ZBTB7C: variants seen among roughly 807,000 people sequenced by gnomAD.
The protein encoded by ZBTB7C is zinc finger and BTB domain-containing protein 7C.
A neutral mutation model predicts 25.7 loss-of-function variants in ZBTB7C; 8 were observed. The observed-to-expected ratio is 0.31, with a 90% CI of 0.18 to 0.56. ZBTB7C has a LOEUF of 0.56. Among genes scored for constraint, ZBTB7C ranks in the 20% least tolerant of loss-of-function variants. ZBTB7C has a pLI of 0.91. For missense variants in ZBTB7C, 824 were observed against 855.2 expected, an observed-to-expected ratio of 0.96 and a Z score of 0.46; for synonymous variants, 394 against 369.0, an observed-to-expected ratio of 1.07 and a Z score of -0.78.
At chr18:48,340,838 A>AT (rs1876140880) in intron 1 of ZBTB7C, among the ~76,000 whole-genome samples, 1 of 152,126 alleles carries the variant, frequency 6.6e-6, no homozygotes, top group African/African-American at 2.4e-5. Context: ...TGAAAAGGCA[A>AT]TTTTTTCCAA....
chr18:48,037,951 A>C (rs889190936), intron 4 of ZBTB7C, among the ~76,000 whole-genome samples: 1 of 152,108 alleles, frequency 6.6e-6, no homozygotes. Context: ...GCTGTACTTG[A>C]ATCTGGCTTT....
At chr18:48,151,581 G>C (rs1411527892) in intron 3 of ZBTB7C, among the ~76,000 whole-genome samples, 1 of 152,106 alleles carries the variant, frequency 6.6e-6, no homozygotes, top group African/African-American at 2.4e-5. Flanking sequence ...CCTGCCCAGA[G>C]CTACACACCT....
chr18:48,202,143 G>C (rs917630159), intron 2 of ZBTB7C, among the ~76,000 whole-genome samples: 7 of 152,350 alleles, frequency 4.6e-5, no homozygotes, highest in Admixed American at 1.3e-4. Flanking sequence ...CTCACGCTCA[G>C]GCACTAGGCC....
At chr18:48,287,342 A>G (rs1471629383) in intron 2 of ZBTB7C, among the ~76,000 whole-genome samples, 1 of 152,222 alleles carries the variant, frequency 6.6e-6, no homozygotes, top group Non-Finnish European at 1.5e-5. Flanking sequence ...AATTCCTGGA[A>G]GAATATAATT....
chr18:48,141,567 G>C (rs1254459782), intron 3 of ZBTB7C, among the ~76,000 whole-genome samples: 2 of 151,638 alleles, frequency 1.3e-5, no homozygotes, highest in Admixed American at 6.6e-5. Context: ...AACTGGGCGG[G>C]GGGGAAAGTA....
intron 1 of ZBTB7C, among the ~76,000 whole-genome samples, chr18:48,366,416 C>A (rs1220243537): frequency 1.3e-5 from 2 of 152,124 alleles, no homozygotes; most frequent in Non-Finnish European, 2.9e-5. Context: ...GCCCAGATAT[C>A]ATTTTTTAAT....
chr18:48,160,568 C>A (rs886656406), intron 3 of ZBTB7C, among the ~76,000 whole-genome samples: 3 of 152,090 alleles, frequency 2.0e-5, no homozygotes, highest in African/African-American at 4.8e-5. Context: ...TTAAAGATCC[C>A]GGTTAAATAA....
chr18:48,088,808 C>T (rs960751524), intron 3 of ZBTB7C, among the ~76,000 whole-genome samples: 20 of 151,466 alleles, frequency 1.3e-4, no homozygotes, highest in Non-Finnish European at 2.5e-4. Context: ...TCAGCCTGGG[C>T]GACAGAGTGC....
intron 2 of ZBTB7C, among the ~76,000 whole-genome samples, chr18:48,268,696 C>T (rs2044384028): frequency 6.6e-6 from 1 of 152,074 alleles, no homozygotes; most frequent in African/African-American, 2.4e-5. Context: ...CTTGGAGGAG[C>T]CTCACTAAAG....
chr18:48,274,462 A>G (rs940215563), intron 2 of ZBTB7C, among the ~76,000 whole-genome samples: 7 of 152,170 alleles, frequency 4.6e-5, no homozygotes, highest in African/African-American at 9.7e-5. Flanking sequence ...GGTTTCTGCC[A>G]TCTCTACCAG....
intron 3 of ZBTB7C, among the ~76,000 whole-genome samples, chr18:48,075,204 G>C (rs963808781): frequency 1.3e-5 from 2 of 152,190 alleles, no homozygotes; most frequent in African/African-American, 4.8e-5. Flanking sequence ...TCAATGTGCT[G>C]GGTAGATGGC....
intron 2 of ZBTB7C, among the ~76,000 whole-genome samples, chr18:48,249,264 A>G (rs908000178): frequency 6.6e-6 from 1 of 152,228 alleles, no homozygotes; most frequent in Non-Finnish European, 1.5e-5. Flanking sequence ...TCTATTAGGA[A>G]TTATTCCTAT....
intron 1 of ZBTB7C, among the ~76,000 whole-genome samples, chr18:48,406,209 G>A (rs1318517566): frequency 3.9e-5 from 6 of 152,110 alleles, no homozygotes; most frequent in Non-Finnish European, 5.9e-5. Flanking sequence ...TGAGAGGGAG[G>A]ACAACTGCCC....
At chr18:48,088,693 G>A (rs187721650) in intron 3 of ZBTB7C, among the ~76,000 whole-genome samples, 109 of 152,204 alleles carry the variant, frequency 7.2e-4, no homozygotes, top group African/African-American at 2.5e-3. Flanking sequence ...AGCCGGGTGT[G>A]GTGGTGCATA....
Position 48,040,075 on chromosome 18 carries a change from C to T in ZBTB7C, c.1033G>A (p.Gly345Ser), listed in dbSNP as rs1334358140. The change falls in exon 4 of 5, where the codon GGC becomes AGC. Residue 345 changes from glycine (G) to serine (S), a missense_variant. By Grantham distance (56) the Gly-to-Ser change is moderately conservative. Around this residue, in one of 4 missense-constraint regions of ZBTB7C, gnomAD observed 316 missense variants for 299.2 expected, o/e 1.06. Transcript: ENST00000590800. Reference protein sequence around the residue: ...LNFLSATHLGGLFPPWPLVEE... With the variant: ...LNFLSATHLGSLFPPWPLVEE... ...ACCAGGGGCCAGGGTGGGAAGAGGC[C>T]TCCCAGGTGGGTGGCACTCAGGAAG... 6.2e-7 allele frequency: 1 copy of T among 1,612,586 alleles called. No individual in the cohort carries two copies. The highest frequency in any genetic ancestry group is 8.5e-7 in the Non-Finnish European group (1 of 1,179,194).
At chr18:48,297,081 T>C (rs576950688) in intron 2 of ZBTB7C, among the ~76,000 whole-genome samples, 4 of 152,188 alleles carry the variant, frequency 2.6e-5, no homozygotes, top group African/African-American at 9.6e-5. Context: ...ACGAAACCAG[T>C]CCCTGGTGCC....
At chr18:48,406,611 A>G (rs2048288827) in intron 1 of ZBTB7C, among the ~76,000 whole-genome samples, 1 of 152,204 alleles carries the variant, frequency 6.6e-6, no homozygotes, top group South Asian at 2.1e-4. Flanking sequence ...AGGACCCCTA[A>G]ACACAGGAGA....
At chr18:48,390,005 G>A (rs2047862225) in intron 1 of ZBTB7C, among the ~76,000 whole-genome samples, 2 of 152,176 alleles carry the variant, frequency 1.3e-5, no homozygotes, top group Admixed American at 6.5e-5. Flanking sequence ...GTCACCACTG[G>A]TGTCAAATGA....
rs1443976732 is a variant in ZBTB7C at position 48,246,929 on chromosome 18, TCATAG to T, written c.-78-60939_-78-60935del. Among the ~76,000 whole-genome samples the T allele has an allele frequency of 3.3e-5, 5 of 152,134 alleles. No individual in the cohort carries two copies. In the East Asian group the frequency reaches 9.6e-4, roughly 29 times the overall value. On this transcript the variant is annotated intron_variant, in intron 2 of 4. Transcript: ENST00000590800. ...TGAGCGGACCATGAGCACAGATAGGTCATAGAAGAATAGCAGTGTATTCAATGATA... is the reference window on the plus strand; with the variant it reads ...TGAGCGGACCATGAGCACAGATAGGTAAGAATAGCAGTGTATTCAATGATA...
Sources: allele counts gnomAD v4.1 joint callset (sites outside exome capture counted in the v4.1 genomes callset), GRCh38; gene constraint gnomAD v4.1.1; regional missense constraint gnomAD v4.1.1; transcripts MANE v1.5; gene names NCBI Gene and HGNC (gene_info 2026-07-23, HGNC 2026-07-21).